Variants in WWP2 observed in about 807,000 individuals in gnomAD.
WWP2 encodes WW domain containing E3 ubiquitin protein ligase 2, also known as NEDD4-like E3 ubiquitin-protein ligase WWP2.
WWP2 carries 57 observed loss-of-function variants against 121.0 expected under a neutral mutation model. The ratio of observed to expected loss-of-function variants is 0.47; its 90% CI spans 0.38 to 0.59. The LOEUF (loss-of-function observed/expected upper bound fraction) is 0.59. Ranked by LOEUF, WWP2 falls within the 20% of genes least tolerant of loss-of-function variation. The probability of loss-of-function intolerance (pLI) is 0.00; values close to 1 mark genes in which losing one functional copy is unlikely to be tolerated. For missense variants in WWP2, 962 were observed against 1,158.9 expected, an observed-to-expected ratio of 0.83 and a Z score of 2.47; for synonymous variants, 449 against 441.3, an observed-to-expected ratio of 1.02 and a Z score of -0.22.
intron 8 of WWP2, among the ~76,000 whole-genome samples, chr16:69,899,726 C>CA (rs35485826): frequency 0.39 from 25,074 of 64,466 alleles, 6,201 homozygotes; most frequent in South Asian, 0.48. Flanking sequence ...GACTCCGTCT[C>CA]AAAAAAAAAA....
chr16:69,863,195 C>T (rs556200414), intron 6 of WWP2, among the ~76,000 whole-genome samples: 6 of 152,318 alleles, frequency 3.9e-5, no homozygotes, highest in African/African-American at 1.4e-4. Flanking sequence ...CTGCCTTCTA[C>T]AACTTTTGCT....
At position 69,762,357 on chromosome 16, in the gene WWP2, A is replaced by G. The variant is rs1350600339; in HGVS notation, c.-50A>G. 6.6e-6 allele frequency: 1 copy of G among 151,024 alleles called. No individual in the cohort carries two copies. The allele number at this position is 151,024 out of a possible 1,614,324, so 9.4% of individuals were successfully genotyped here. A position where few individuals can be genotyped will look rare whatever the true frequency, so the allele number is the denominator to read the frequency against. On this transcript the variant is annotated 5_prime_UTR_variant, in exon 1 of 24. Transcript: ENST00000359154. ...GCGGGCGGTGGAAGGCGGAAGTAGGAGAGGAGTTCGGCGCCGCTTCTGTGG... is the reference window on the plus strand; with the variant it reads ...GCGGGCGGTGGAAGGCGGAAGTAGGGGAGGAGTTCGGCGCCGCTTCTGTGG...
At chr16:69,784,139 G>A (rs113030950) in intron 1 of WWP2, among the ~76,000 whole-genome samples, 7 of 117,484 alleles carry the variant, frequency 6.0e-5, no homozygotes, top group Admixed American at 1.2e-4. Context: ...TGCTGTCATC[G>A]CCCGGGCTGG....
chr16:69,847,365 A>G (rs4296254), intron 6 of WWP2, among the ~76,000 whole-genome samples: 103,613 of 151,220 alleles, frequency 0.69, 37,181 homozygotes, highest in African/African-American at 0.9. Flanking sequence ...GATTACAGGC[A>G]TGAGCCACCA....
At chr16:69,924,341 G>A (rs955182378) in intron 10 of WWP2, among the ~76,000 whole-genome samples, 8 of 152,136 alleles carry the variant, frequency 5.3e-5, no homozygotes, top group African/African-American at 1.4e-4. Flanking sequence ...ACCCCTAGAC[G>A]GGGCCAGCCC....
chr16:69,902,235 T>A (rs1007831007), intron 8 of WWP2, among the ~76,000 whole-genome samples: 1 of 152,192 alleles, frequency 6.6e-6, no homozygotes, highest in Non-Finnish European at 1.5e-5. Context: ...GATGCTGATG[T>A]CATTCTAATA....
chr16:69,762,547 C>T (rs2038634642), intron 1 of WWP2, among the ~76,000 whole-genome samples, 156 bp downstream of exon 1: 1 of 150,398 alleles, frequency 6.6e-6, no homozygotes, highest in Admixed American at 6.6e-5. Context: ...CGGTTCCGGC[C>T]TCCGAGGAGG....
At chr16:69,917,687 A>C in intron 9 of WWP2, 22 bp from the exon 10 acceptor site, 2 of 1,595,352 alleles carry the variant, frequency 1.3e-6, no homozygotes, top group Non-Finnish European at 1.7e-6. Context: ...CATTATATTC[A>C]TTCTGAGGTT....
chr16:69,919,461 C>G (rs565132369), intron 10 of WWP2, among the ~76,000 whole-genome samples: 1 of 152,320 alleles, frequency 6.6e-6, no homozygotes, highest in South Asian at 2.1e-4. Context: ...ACCACCATGC[C>G]TGGCCCACAT....
intron 4 of WWP2, among the ~76,000 whole-genome samples, chr16:69,831,368 T>G (rs2056790646): frequency 6.6e-6 from 1 of 152,208 alleles, no homozygotes; most frequent in Non-Finnish European, 1.5e-5. Flanking sequence ...GTACATTTGC[T>G]GTGAAACTCT....
Position 69,840,729 on chromosome 16 carries a change from G to A in WWP2, c.478+466G>A, listed in dbSNP as rs377027568. Among the ~76,000 whole-genome samples the A allele has an allele frequency of 1.6e-4, 25 of 152,280 alleles. 1 individual carries two copies. Among genetic ancestry groups the A allele is most frequent in the African/African-American group, 5.3e-4 (22 of 41,558 alleles). On this transcript the variant is annotated intron_variant, in intron 5 of 23. Coordinates refer to ENST00000359154, the MANE Select transcript of WWP2 (RefSeq NM_001270454.2). Reference sequence around the variant, plus strand: ...TGGAGAGTGTCCCTTGCTCTGTCCCGAATGTTGGTAGTTTGTTTCTTTTGA... The same window carrying A: ...TGGAGAGTGTCCCTTGCTCTGTCCCAAATGTTGGTAGTTTGTTTCTTTTGA...
rs1257087320 is a variant in WWP2 at position 69,935,970 on chromosome 16, T to C, written c.1960T>C (p.Ser654Pro). 6.2e-7 allele frequency: 1 copy of C among 1,613,942 alleles called. No homozygotes were observed. Among genetic ancestry groups the C allele is most frequent in the Admixed American group, 1.7e-5 (1 of 60,002 alleles). The stretch of plus-strand genomic sequence containing the variant: ...GTCCATTGACCCTGAGTTCTACAAC[T>C]CCATTGTCTGGATCAAGTGAGTTCC... ...LESIDPEFYN[S>P]IVWIKENNLE... Residue 654 changes from serine to proline, a missense_variant, in exon 18 of 24, where the codon TCC (serine) becomes CCC (proline). Physicochemically the swap from Ser to Pro is moderately conservative, Grantham distance 74 (BLOSUM62 -1). Coordinates refer to ENST00000359154, the MANE Select transcript of WWP2 (RefSeq NM_001270454.2). The surrounding 1 kb of genome is among the most constrained non-coding windows in gnomAD (Gnocchi z 5.2).
At chr16:69,787,696 G>A (rs1245801484) in intron 2 of WWP2, among the ~76,000 whole-genome samples, 1 of 152,168 alleles carries the variant, frequency 6.6e-6, no homozygotes, top group Admixed American at 6.5e-5. Flanking sequence ...CCAACCTCTG[G>A]CTTTAAATGC....
Position 69,917,898 on chromosome 16 carries a change from G to A in WWP2, c.1179+15G>A, listed in dbSNP as rs773061673. 2.8e-5 allele frequency: 45 copies of A among 1,602,864 alleles called. No homozygotes were observed. The highest frequency in any genetic ancestry group is 3.3e-5 in the South Asian group (3 of 90,818). ...TCCTCTACCAGGTGAGAGGGCAGGC[G>A]CTTGGCCCGAGGTGGGGCCGCCTCC... On this transcript the variant is annotated intron_variant, in intron 10 of 23. Coordinates refer to ENST00000359154, the MANE Select transcript of WWP2 (RefSeq NM_001270454.2).
chr16:69,872,054 T>C (rs2151916812), intron 7 of WWP2, 123 bp downstream of exon 7: 2 of 1,392,522 alleles, frequency 1.4e-6, no homozygotes, highest in Non-Finnish European at 1.9e-6. Flanking sequence ...GCTCTAGGAC[T>C]AAACTGGATT....
At position 69,937,694 on chromosome 16, in the gene WWP2, TCAAC is replaced by T; in HGVS notation, c.2343+46_2343+49del. On this transcript the variant is annotated intron_variant, in intron 21 of 23. Transcript: ENST00000359154. The surrounding 1 kb of genome is among the most constrained non-coding windows in gnomAD (Gnocchi z 6.6). ...GGCCTTGGCAGGGACATTTGGGCCATCAACCAAAGGAAACGGGTCCTGAGGAGGC... is the reference window on the plus strand; with the variant it reads ...GGCCTTGGCAGGGACATTTGGGCCATCAAAGGAAACGGGTCCTGAGGAGGC... 6.2e-7 allele frequency: 1 copy of T among 1,604,596 alleles called. No homozygotes were observed. The highest frequency in any genetic ancestry group is 8.5e-7 in the Non-Finnish European group (1 of 1,172,688).
intron 2 of WWP2, among the ~76,000 whole-genome samples, chr16:69,796,401 C>G (rs981344582): frequency 6.6e-6 from 1 of 152,206 alleles, no homozygotes; most frequent in Non-Finnish European, 1.5e-5. Flanking sequence ...GTGCTCAGGA[C>G]ACTTCGATAT....
intron 11 of WWP2, among the ~76,000 whole-genome samples, chr16:69,926,971 G>T (rs769382011): frequency 6.6e-6 from 1 of 152,190 alleles, no homozygotes; most frequent in African/African-American, 2.4e-5. Flanking sequence ...TTTCATGCCA[G>T]TTCTGCTGAG....
Position 69,941,415 on chromosome 16 carries a change from G to T in WWP2, c.*1475G>T, listed in dbSNP as rs1430965490. 2 of 153,940 alleles carry T rather than the reference G, an allele frequency of 1.3e-5. No homozygotes were observed. The highest frequency in any genetic ancestry group is 2.9e-5 in the Non-Finnish European group (2 of 68,192). 9.5% of individuals were successfully genotyped at this position (153,940 alleles called of 1,614,324 possible). On this transcript the variant is annotated 3_prime_UTR_variant, in exon 24 of 24. Coordinates refer to ENST00000359154, the MANE Select transcript of WWP2 (RefSeq NM_001270454.2). ...GGAGGTGCAGCCTGCGTCTGCCTCT[G>T]TCGTGTGTGCTGATTTGAGTGGCTT...
Sources: gnomAD v4.1 joint callset for allele counts (sites outside exome capture counted in the v4.1 genomes callset) on GRCh38, gnomAD v4.1.1 for gene constraint, Gnocchi (gnomAD v3.1) non-coding constraint, MANE v1.5 for transcripts, NCBI Gene and HGNC (gene_info 2026-07-23, HGNC 2026-07-21) for gene names.